LRRC74B: variants seen among roughly 807,000 people sequenced by gnomAD.
The protein encoded by LRRC74B is leucine rich repeat containing 74B.
A neutral mutation model predicts 16.6 loss-of-function variants in LRRC74B; 30 were observed. That is an observed-to-expected ratio of 1.80 (90% CI 1.35 to 2.45). The LOEUF (loss-of-function observed/expected upper bound fraction) is 2.45, where lower values mean the gene tolerates loss of function less well. LRRC74B is among the 30% of genes most tolerant of loss of function. The probability of loss-of-function intolerance (pLI) is 0.00; values close to 1 mark genes in which losing one functional copy is unlikely to be tolerated. For missense variants in LRRC74B, 326 were observed against 202.4 expected (o/e 1.61, Z -3.71); for synonymous variants, 134 against 86.0 (o/e 1.56, Z -3.09).
At chr22:21,057,143 TCTC>T (rs1569201426) in exon 8 of LRRC74B, 8 of 717,358 alleles carry the variant, frequency 1.1e-5, no homozygotes, top group Admixed American at 4.0e-5. Flanking sequence ...GCTGCTTTGG[TCTC>T]CTCAAGTCTG....
chr22:21,057,203 A>T lies in LRRC74B; in HGVS notation c.1023+3A>T. The T allele has an allele frequency of 1.4e-6, 1 of 717,160 alleles. No individual in the cohort carries two copies. The highest frequency in any genetic ancestry group is 1.5e-5 in the South Asian group (1 of 67,552). The allele number at this position is 717,160 out of a possible 1,614,324, so 44.4% of individuals were successfully genotyped here. ...CCCTGGAACTGCTGGATTTCTCAGT[A>T]AGAGCATTTTATAAACCTCGTTTCT... On this transcript the variant is annotated splice_donor_region_variant and intron_variant, in intron 8 of 8. Coordinates refer to ENST00000442047, the Ensembl canonical transcript of LRRC74B.
intron 6 of LRRC74B, among the ~76,000 whole-genome samples, chr22:21,054,828 T>A (rs1035644985): frequency 1.3e-5 from 2 of 152,202 alleles, no homozygotes; most frequent in Admixed American, 1.3e-4. Context: ...GCAGAATATG[T>A]GGGAGCACTT....
intron 4 of LRRC74B, among the ~76,000 whole-genome samples, chr22:21,050,108 C>T (rs1929885479): frequency 7.2e-5 from 11 of 152,106 alleles, no homozygotes; most frequent in Admixed American, 7.2e-4. Flanking sequence ...GTGATCTCTG[C>T]TCACTGCAGC....
chr22:21,059,577 C>CA (rs967942793), intron 8 of LRRC74B, among the ~76,000 whole-genome samples: 2 of 152,050 alleles, frequency 1.3e-5, no homozygotes, highest in Non-Finnish European at 2.9e-5. Flanking sequence ...ACCCAAAAAA[C>CA]AAAAAAACAA....
chr22:21,051,840 C>T (rs926294840), intron 4 of LRRC74B, among the ~76,000 whole-genome samples: 20 of 152,178 alleles, frequency 1.3e-4, no homozygotes, highest in African/African-American at 4.6e-4. Context: ...TTGCAGTTTC[C>T]TGTGTCTCCT....
chr22:21,048,753 C>T, intron 3 of LRRC74B, 198 bp from the exon 4 acceptor site: 1 of 590,582 alleles, frequency 1.7e-6, no homozygotes, highest in Non-Finnish European at 3.0e-6. Context: ...GACACAGAAG[C>T]TGGTGGGCAC....
chr22:21,052,605 T>C (rs1930160380), intron 5 of LRRC74B, among the ~76,000 whole-genome samples: 1 of 152,048 alleles, frequency 6.6e-6, no homozygotes, highest in African/African-American at 2.4e-5. Context: ...CCAGACACCA[T>C]AGACACCCAG....
downstream of LRRC74B, chr22:21,060,554 C>T: frequency 4.3e-6 from 3 of 692,140 alleles, no homozygotes; most frequent in East Asian, 5.4e-5. Flanking sequence ...TCCTCATCTC[C>T]AATCAGCTGC....
At chr22:21,047,158 C>T (rs537460004) in intron 1 of LRRC74B, among the ~76,000 whole-genome samples, 198 bp from the exon 2 acceptor site, 21 of 152,112 alleles carry the variant, frequency 1.4e-4, no homozygotes, top group African/African-American at 5.1e-4. Flanking sequence ...TTTTGATAGC[C>T]GTATGACTTT....
chr22:21,064,035 A>G, downstream of LRRC74B: 1 of 158,262 alleles, frequency 6.3e-6, no homozygotes, highest in Non-Finnish European at 1.4e-5. Flanking sequence ...AAAAGAAATG[A>G]ATATGGGACT....
At chr22:21,050,001 A>G (rs141368732) in intron 4 of LRRC74B, among the ~76,000 whole-genome samples, 45 of 152,092 alleles carry the variant, frequency 3.0e-4, no homozygotes, top group African/African-American at 1.0e-3. Context: ...ATGCTGGTGA[A>G]TCTGTATTTT....
exon 2 of LRRC74B, chr22:21,047,497 A>G (rs1929558985): frequency 1.4e-6 from 1 of 717,194 alleles, no homozygotes; most frequent in African/African-American, 1.7e-5. Flanking sequence ...CTGGGGCCCC[A>G]GGTACCACTG....
At chr22:21,051,917 C>T (rs1364197901) in intron 4 of LRRC74B, among the ~76,000 whole-genome samples, 2 of 152,218 alleles carry the variant, frequency 1.3e-5, no homozygotes, top group African/African-American at 4.8e-5. Context: ...TCCTGTGTCT[C>T]CTCCCCACTG....
intron 3 of LRRC74B, 155 bp downstream of exon 3, chr22:21,048,171 G>A (rs866105690): frequency 4.7e-6 from 3 of 639,764 alleles, no homozygotes; most frequent in Non-Finnish European, 8.6e-6. Context: ...CATGTGGGGT[G>A]GAGTTAGACC....
At chr22:21,060,775 G>C (rs931155564), downstream of LRRC74B, among the ~76,000 whole-genome samples, 11 of 152,208 alleles carry the variant, frequency 7.2e-5, no homozygotes, top group South Asian at 2.1e-4. Flanking sequence ...ACTGCACATT[G>C]AACTGGGCAT....
In LRRC74B at chr22:21,053,400, GC is replaced by G; in HGVS notation, c.774del (p.Phe259LeufsTer13). On this transcript the variant is annotated frameshift_variant, in exon 6 of 9. Transcript: ENST00000442047. LOFTEE classifies it high-confidence loss of function. The stretch of plus-strand genomic sequence containing the variant: ...AAAGTTCTAGACATCTCATACAATG[GC>G]TTTGGGGATCCTGGAGCCTCTGCGG... 1.4e-6 allele frequency: 1 copy of G among 717,488 alleles called. No individual in the cohort carries two copies. The highest frequency in any genetic ancestry group is 2.6e-6 in the Non-Finnish European group (1 of 385,056). The allele number at this position is 717,488 out of a possible 1,614,324, so 44.4% of individuals were successfully genotyped here. A position where few individuals can be genotyped will look rare whatever the true frequency, so the allele number is the denominator to read the frequency against.
At chr22:21,048,906 C>G in intron 3 of LRRC74B, 45 bp from the exon 4 acceptor site, 1 of 706,394 alleles carries the variant, frequency 1.4e-6, no homozygotes, top group South Asian at 1.5e-5. Context: ...TAGGGGAGTG[C>G]CTGGCTTTGC....
chr22:21,048,929 G>A (rs1211788603), intron 3 of LRRC74B, 22 bp from the exon 4 acceptor site: 2 of 713,978 alleles, frequency 2.8e-6, no homozygotes, highest in Non-Finnish European at 2.6e-6. Context: ...CCCACTGGCC[G>A]AGGAGTGGTT....
At chr22:21,047,618 C>G in intron 2 of LRRC74B, 120 bp downstream of exon 2, 1 of 635,344 alleles carries the variant, frequency 1.6e-6, no homozygotes, top group Non-Finnish European at 2.8e-6. Flanking sequence ...GTCAGTCATG[C>G]CCTACCCTCC....
Sources: allele counts gnomAD v4.1 joint callset (sites outside exome capture counted in the v4.1 genomes callset), GRCh38; gene constraint gnomAD v4.1.1; transcripts MANE v1.5; gene names NCBI Gene and HGNC (gene_info 2026-07-23, HGNC 2026-07-21).